The following BTBD8 variants were observed in gnomAD, a reference collection of about 807,000 sequenced individuals.
BTBD8 encodes BTB domain containing 8.
BTBD8 carries 110 observed loss-of-function variants against 162.9 expected under a neutral mutation model. The ratio of observed to expected loss-of-function variants is 0.68; its 90% CI spans 0.58 to 0.79. The LOEUF is 0.79. Ranked by LOEUF, BTBD8 falls within the 30% of genes least tolerant of loss-of-function variation. The pLI, the probability that BTBD8 is intolerant of heterozygous loss-of-function variation, is 0.00. For synonymous variants in BTBD8, 667 were observed against 716.1 expected (o/e 0.93, Z 1.10); for missense variants, 1,905 against 2,085.4 (o/e 0.91, Z 1.68).
intron 5 of BTBD8, among the ~76,000 whole-genome samples, chr1:92,130,171 G>A (rs1329457373): frequency 6.6e-6 from 1 of 152,056 alleles, no homozygotes; most frequent in African/African-American, 2.4e-5. Flanking sequence ...TGGAGAGAGA[G>A]TTTTATGGTA....
At chr1:92,163,712 G>A (rs1338402959) in intron 9 of BTBD8, among the ~76,000 whole-genome samples, 1 of 151,992 alleles carries the variant, frequency 6.6e-6, no homozygotes, top group Non-Finnish European at 1.5e-5. Flanking sequence ...TGTGTTAACT[G>A]TTGAATTAAA....
chr1:92,131,548 AC>A (rs1450769345), intron 5 of BTBD8, among the ~76,000 whole-genome samples: 1 of 152,140 alleles, frequency 6.6e-6, no homozygotes, highest in Non-Finnish European at 1.5e-5. Context: ...ACATGGTGAA[AC>A]CACGTCTCTA....
At chr1:92,126,007 G>A (rs543327459) in intron 4 of BTBD8, 11 of 465,238 alleles carry the variant, frequency 2.4e-5, no homozygotes, top group African/African-American at 1.6e-4. Flanking sequence ...TGTATCAACC[G>A]AGGCAGCTGT....
intron 2 of BTBD8, among the ~76,000 whole-genome samples, chr1:92,098,362 A>G (rs936948050): frequency 3.9e-5 from 6 of 152,164 alleles, no homozygotes; most frequent in African/African-American, 1.2e-4. Context: ...CTTTTTGGCT[A>G]TTATGAATAA....
chr1:92,117,265 A>G (rs1452149397), intron 4 of BTBD8, among the ~76,000 whole-genome samples: 1 of 151,874 alleles, frequency 6.6e-6, no homozygotes, highest in Non-Finnish European at 1.5e-5. Context: ...ACATTACCTA[A>G]TAAGTTTTTA....
chr1:92,122,446 A>T (rs1187417962), intron 4 of BTBD8, among the ~76,000 whole-genome samples: 1 of 151,862 alleles, frequency 6.6e-6, no homozygotes, highest in East Asian at 1.9e-4. Context: ...TTTAGTAGAG[A>T]CGGGATTTCA....
intron 4 of BTBD8, 100 bp from the exon 5 acceptor site, chr1:92,129,587 T>G: frequency 1.1e-6 from 1 of 873,740 alleles, no homozygotes; most frequent in Non-Finnish European, 1.9e-6. Context: ...ACAAATAGAT[T>G]ATTGTGTTTT....
chr1:92,177,505 TG>T lies in BTBD8; in HGVS notation c.2313del (p.Met771IlefsTer2). ...TCCTTTTGTGATTCTCCAGGACAGA[TG>T]ATGAAAAACAGTGTAGATAGTGTCA... ...KLSFCDSPGQ[M>X]MKNSVDSVKN... On this transcript the variant is annotated frameshift_variant, in exon 14 of 18. Coordinates refer to ENST00000636805, the MANE Select transcript of BTBD8 (RefSeq NM_001376131.1). LOFTEE classifies it high-confidence loss of function. 6.5e-7 allele frequency: 1 copy of T among 1,550,278 alleles called. No individual in the cohort carries two copies.
At chr1:92,150,107 G>T (rs1049047127) in intron 9 of BTBD8, among the ~76,000 whole-genome samples, 2 of 152,090 alleles carry the variant, frequency 1.3e-5, no homozygotes, top group African/African-American at 2.4e-5. Context: ...ATGGGTCCTT[G>T]GAATCTTAGA....
At chr1:92,129,587 T>A in intron 4 of BTBD8, 100 bp from the exon 5 acceptor site, 1 of 873,740 alleles carries the variant, frequency 1.1e-6, no homozygotes, top group Non-Finnish European at 1.9e-6. Context: ...ACAAATAGAT[T>A]ATTGTGTTTT....
chr1:92,180,994 C>A lies in BTBD8; in HGVS notation c.3311C>A (p.Ser1104Tyr). ...AATCCAAATGAAAACTCCTTGAACT[C>A]TAATCCAGTTTGTGATTTAGACTCA... ...VSNPNENSLNSNPVCDLDSTS... is the reference protein window; with the variant it reads ...VSNPNENSLNYNPVCDLDSTS... The change falls in exon 17 of 18, where the codon TCT becomes TAT. Residue 1104 changes from serine to tyrosine, a missense_variant. By Grantham distance (144) the Ser-to-Tyr change is moderately radical. Transcript: ENST00000636805. 6.4e-7 allele frequency: 1 copy of A among 1,551,794 alleles called. No individual in the cohort carries two copies. Among genetic ancestry groups the A allele is most frequent in the Non-Finnish European group, 8.7e-7 (1 of 1,147,020 alleles).
chr1:92,080,926 A>G (rs927811855), intron 1 of BTBD8, among the ~76,000 whole-genome samples: 1 of 152,164 alleles, frequency 6.6e-6, no homozygotes, highest in Non-Finnish European at 1.5e-5. Flanking sequence ...GCACCTCGAC[A>G]CCATGTACCA....
At chr1:92,087,628 G>A (rs1160761227) in intron 1 of BTBD8, among the ~76,000 whole-genome samples, 1 of 152,082 alleles carries the variant, frequency 6.6e-6, no homozygotes, top group African/African-American at 2.4e-5. Context: ...AGAAAGACAT[G>A]TAAAAATAAT....
chr1:92,167,065 A>G lies in BTBD8; in HGVS notation c.1230A>G (p.Gln410=), dbSNP rs1016675106. Residue 410 remains glutamine, a synonymous_variant, in exon 10 of 18, where the codon CAA becomes CAG. Transcript: ENST00000636805. ...CACTGACCATGGCGTCTCAGCTTCA[A>G]GAAAAATGTATTGCATTTATTGTAG... The part of the protein sequence containing the change: ...EAALTMASQL[Q]EKCIAFIVDN... 1.3e-6 allele frequency: 2 copies of G among 1,550,600 alleles called. No homozygotes were observed. Among genetic ancestry groups the G allele is most frequent in the African/African-American group, 1.4e-5 (1 of 73,050 alleles).
At chr1:92,085,152 T>C (rs1228976496) in intron 1 of BTBD8, among the ~76,000 whole-genome samples, 1 of 152,256 alleles carries the variant, frequency 6.6e-6, no homozygotes, top group African/African-American at 2.4e-5. Context: ...ATAGGTATTA[T>C]GTTTTAGTCA....
chr1:92,090,905 T>A (rs11166136), intron 2 of BTBD8, among the ~76,000 whole-genome samples: 2 of 152,160 alleles, frequency 1.3e-5, no homozygotes, highest in Non-Finnish European at 2.9e-5. Context: ...GCACTCCAGC[T>A]TGGATGACGG....
chr1:92,103,280 A>G (rs1476091975), intron 3 of BTBD8, among the ~76,000 whole-genome samples: 14 of 152,262 alleles, frequency 9.2e-5, no homozygotes, highest in Admixed American at 2.6e-4. Context: ...GTGTAAACCA[A>G]CAACAATTAC....
At chr1:92,104,935 T>C (rs1287093213) in intron 3 of BTBD8, among the ~76,000 whole-genome samples, 4 of 86,712 alleles carry the variant, frequency 4.6e-5, no homozygotes, top group Non-Finnish European at 7.3e-5. Context: ...TACCTTATTA[T>C]TATTTTTTTT....
chr1:92,152,730 C>G (rs767401801), intron 9 of BTBD8, among the ~76,000 whole-genome samples: 1 of 152,014 alleles, frequency 6.6e-6, no homozygotes, highest in Non-Finnish European at 1.5e-5. Context: ...CTATGCCTCT[C>G]CCAATGCTAT....
Sources: gnomAD v4.1 joint callset for allele counts (sites outside exome capture counted in the v4.1 genomes callset) on GRCh38, gnomAD v4.1.1 for gene constraint, MANE v1.5 for transcripts, NCBI Gene and HGNC (gene_info 2026-07-23, HGNC 2026-07-21) for gene names.